KRT72: variants seen among roughly 807,000 people sequenced by gnomAD.
The protein encoded by KRT72 is keratin, type II cytoskeletal 72.
Under a neutral mutation model 44.7 loss-of-function variants are expected in KRT72, and 44 were observed. The ratio of observed to expected loss-of-function variants is 0.98; its 90% CI spans 0.77 to 1.27. The LOEUF is 1.27. KRT72 is among the 50% of genes most tolerant of loss of function. The probability of loss-of-function intolerance (pLI) is 0.00; values close to 1 mark genes in which losing one functional copy is unlikely to be tolerated. For synonymous variants in KRT72, 302 were observed against 280.4 expected, an observed-to-expected ratio of 1.08 and a Z score of -0.77; for missense variants, 736 against 667.1, an observed-to-expected ratio of 1.10 and a Z score of -1.14.
At chr12:52,602,532 C>T (rs983927810), upstream of KRT72, among the ~76,000 whole-genome samples, 38 of 152,336 alleles carry the variant, frequency 2.5e-4, no homozygotes, top group African/African-American at 8.2e-4. Flanking sequence ...CAACAGCTCT[C>T]CTGTTCCTCT....
Position 52,601,335 on chromosome 12 carries a change from C to T in KRT72, c.118G>A (p.Gly40Ser), listed in dbSNP as rs757469253. The T allele has an allele frequency of 3.2e-6, 5 of 1,545,700 alleles. No individual in the cohort carries two copies. In the South Asian group the frequency reaches 5.9e-5, roughly 18 times the overall value. ...SSASFRARVK[G>S]SASFGSKSLS... Reference sequence around the variant, plus strand: ...CTCTTGCTGCCAAAGGAGGCCGAGCCCTTGACCCGGGCCCGGAATGAGGCG... The same window carrying T: ...CTCTTGCTGCCAAAGGAGGCCGAGCTCTTGACCCGGGCCCGGAATGAGGCG... Residue 40 changes from glycine to serine, a missense_variant, in exon 1 of 9, where the codon GGC (glycine) becomes AGC (serine). Physicochemically the swap from Gly to Ser is moderately conservative, Grantham distance 56. Transcript: ENST00000293745.
intron 2 of KRT72, among the ~76,000 whole-genome samples, chr12:52,597,343 C>T (rs923543524): frequency 1.3e-5 from 2 of 152,114 alleles, no homozygotes; most frequent in African/African-American, 4.8e-5. Flanking sequence ...AAGGCAAATG[C>T]ACTGAAAATT....
At chr12:52,600,038 C>G (rs1448669537) in intron 1 of KRT72, among the ~76,000 whole-genome samples, 3 of 152,170 alleles carry the variant, frequency 2.0e-5, no homozygotes, top group Non-Finnish European at 4.4e-5. Flanking sequence ...GAAGTCCATT[C>G]CCTGTCTCCT....
chr12:52,596,663 T>C (rs552654638), intron 2 of KRT72, among the ~76,000 whole-genome samples: 1 of 151,966 alleles, frequency 6.6e-6, no homozygotes, highest in Non-Finnish European at 1.5e-5. Flanking sequence ...GACATTCTAA[T>C]GCCTCAGCCT....
chr12:52,586,391 T>C (rs1939746350), intron 8 of KRT72, among the ~76,000 whole-genome samples: 1 of 152,222 alleles, frequency 6.6e-6, no homozygotes, highest in Non-Finnish European at 1.5e-5. Context: ...ATTTTACCTT[T>C]TCCTATTAGT....
At chr12:52,589,243 G>T (rs575900519) in intron 6 of KRT72, among the ~76,000 whole-genome samples, 1 of 152,120 alleles carries the variant, frequency 6.6e-6, no homozygotes, top group Non-Finnish European at 1.5e-5. Context: ...AGGCCAAATG[G>T]GCTCTAGAAT....
At chr12:52,599,190 A>G in intron 1 of KRT72, 78 bp from the exon 2 acceptor site, 1 of 1,397,668 alleles carries the variant, frequency 7.2e-7, no homozygotes, top group Non-Finnish European at 1.0e-6. Context: ...CCCAAAAACC[A>G]GAGGCAGCCA....
chr12:52,588,960 A>G (rs140055228), intron 6 of KRT72, among the ~76,000 whole-genome samples: 3,139 of 151,806 alleles, frequency 0.021, 52 homozygotes, highest in Non-Finnish European at 0.03. Flanking sequence ...AGATTGTGCC[A>G]CAGAACTCCA....
chr12:52,587,876 T>C, intron 6 of KRT72, 25 bp from the exon 7 acceptor site: 4 of 1,606,238 alleles, frequency 2.5e-6, no homozygotes, highest in Non-Finnish European at 2.6e-6. Flanking sequence ...GATCCAGCAC[T>C]TAAGAGTCAG....
In KRT72 at chr12:52,586,920, CAGAACTG is replaced by C; in HGVS notation, c.1345+19_1345+25del. On this transcript the variant is annotated intron_variant, in intron 8 of 8. Coordinates refer to ENST00000293745, the MANE Select transcript of KRT72 (RefSeq NM_080747.3). ...GGACTTCTGGTAAGGTGACCAAGGGCAGAACTGAGATCTGCAGATACTTACAGATGCT... is the reference window on the plus strand; with the variant it reads ...GGACTTCTGGTAAGGTGACCAAGGGCAGATCTGCAGATACTTACAGATGCT... 6.2e-7 allele frequency: 1 copy of C among 1,610,130 alleles called. No homozygotes were observed. Among genetic ancestry groups the C allele is most frequent in the Non-Finnish European group, 8.5e-7 (1 of 1,176,394 alleles).
intron 6 of KRT72, among the ~76,000 whole-genome samples, chr12:52,588,404 A>G (rs528415586): frequency 6.6e-6 from 1 of 152,344 alleles, no homozygotes; most frequent in African/African-American, 2.4e-5. Context: ...CTGGGAACGG[A>G]AAACCAAACA....
chr12:52,587,078 G>T, intron 7 of KRT72, 98 bp from the exon 8 acceptor site: 1 of 1,167,426 alleles, frequency 8.6e-7, no homozygotes, highest in Non-Finnish European at 1.3e-6. Flanking sequence ...CGCAGAATGT[G>T]CCTTCCCAAA....
chr12:52,601,649 T>C (rs937291530), upstream of KRT72: 15 of 595,840 alleles, frequency 2.5e-5, no homozygotes, highest in African/African-American at 2.7e-4. Context: ...ACCGAGATTT[T>C]TGTCTGTTCC....
chr12:52,591,454 A>T lies in KRT72; in HGVS notation c.963+10T>A. The T allele has an allele frequency of 1.2e-6, 2 of 1,611,990 alleles. No homozygotes were observed. Among genetic ancestry groups the T allele is most frequent in the Non-Finnish European group, 8.5e-7 (1 of 1,178,384 alleles). On this transcript the variant is annotated intron_variant, in intron 5 of 8. Coordinates refer to ENST00000293745, the MANE Select transcript of KRT72 (RefSeq NM_080747.3). ...GCCAGTGGGACTCAGCACACCTGGC[A>T]CCAGCTCACCTTGGTCTGGTACAGG...
At chr12:52,588,364 G>A (rs567995667) in intron 6 of KRT72, among the ~76,000 whole-genome samples, 1 of 152,286 alleles carries the variant, frequency 6.6e-6, no homozygotes, top group East Asian at 1.9e-4. Context: ...ATGCTAAATG[G>A]CAACAGGCTT....
At chr12:52,593,273 C>G (rs1043112326) in intron 2 of KRT72, among the ~76,000 whole-genome samples, 2 of 152,240 alleles carry the variant, frequency 1.3e-5, no homozygotes, top group African/African-American at 4.8e-5. Flanking sequence ...GGTGAAAAGA[C>G]ACTCCCTTCT....
chr12:52,588,029 C>G (rs1939849679), intron 6 of KRT72, among the ~76,000 whole-genome samples, 178 bp from the exon 7 acceptor site: 1 of 152,246 alleles, frequency 6.6e-6, no homozygotes, highest in African/African-American at 2.4e-5. Context: ...AGGCATGGTT[C>G]ACCCTGGCTC....
chr12:52,587,536 A>G (rs1377588064), intron 7 of KRT72, 95 bp downstream of exon 7: 1 of 1,312,716 alleles, frequency 7.6e-7, no homozygotes, highest in Non-Finnish European at 1.1e-6. Flanking sequence ...GTTTTACTTC[A>G]GTAGGACCTA....
At position 52,599,037 on chromosome 12, in the gene KRT72, A is replaced by T. The variant is rs1200812672; in HGVS notation, c.502T>A (p.Cys168Ser). The change falls in exon 2 of 9, where the codon TGC becomes AGC. Residue 168 changes from cysteine to serine, a missense_variant. Transcript: ENST00000293745. ...NLLQQLDLNN[C>S]RKNLEPIYEG... is the part of the protein sequence containing the mutation. ...TAAATGGGCTCCAGGTTCTTCCTGC[A>T]GTTGTTCAAGTCCAGCTGCTGTAGG... 1.2e-6 allele frequency: 2 copies of T among 1,614,004 alleles called. No homozygotes were observed. Among genetic ancestry groups the T allele is most frequent in the Admixed American group, 3.3e-5 (2 of 60,020 alleles).
Sources: allele counts gnomAD v4.1 joint callset (sites outside exome capture counted in the v4.1 genomes callset), GRCh38; gene constraint gnomAD v4.1.1; transcripts MANE v1.5; gene names NCBI Gene and HGNC (gene_info 2026-07-23, HGNC 2026-07-21).